RSU1: variants seen among roughly 807,000 people sequenced by gnomAD.
RSU1 encodes the protein rsu-1.
In RSU1, 26 loss-of-function variants were observed where a neutral mutation model predicts 31.1. The observed-to-expected ratio is 0.84, with a 90% CI of 0.61 to 1.16. The LOEUF (loss-of-function observed/expected upper bound fraction) is 1.16, where lower values mean the gene tolerates loss of function less well. Ranked by LOEUF, RSU1 falls within the 50% of genes most tolerant of loss-of-function variation. The probability of loss-of-function intolerance (pLI) is 0.00; values close to 1 mark genes in which losing one functional copy is unlikely to be tolerated. For missense variants in RSU1, 320 were observed against 339.1 expected (o/e 0.94, Z 0.44); for synonymous variants, 164 against 136.3 (o/e 1.20, Z -1.41).
chr10:16,816,557 A>G (rs17139260), intron 2 of RSU1, among the ~76,000 whole-genome samples: 2,920 of 152,356 alleles, frequency 0.019, 107 homozygotes, highest in African/African-American at 0.066. Context: ...AGAAATGCTT[A>G]AAACGCTCCA....
chr10:16,768,129 T>C (rs544413001), intron 3 of RSU1, among the ~76,000 whole-genome samples: 1 of 152,370 alleles, frequency 6.6e-6, no homozygotes, highest in African/African-American at 2.4e-5. Context: ...TTCTGATCTA[T>C]GACCCCAGCT....
chr10:16,780,837 G>T (rs956450331), intron 3 of RSU1, among the ~76,000 whole-genome samples: 1 of 152,276 alleles, frequency 6.6e-6, no homozygotes. Flanking sequence ...GACCACACAT[G>T]ACTTGTAGGT....
At chr10:16,616,782 T>C (rs527400332) in intron 8 of RSU1, among the ~76,000 whole-genome samples, 1 of 152,228 alleles carries the variant, frequency 6.6e-6, no homozygotes, top group Non-Finnish European at 1.5e-5. Flanking sequence ...ATTATCTCCA[T>C]AGATGCAGAA....
intron 2 of RSU1, among the ~76,000 whole-genome samples, chr10:16,785,526 A>ATACACATAT (rs1240281059): frequency 1.1e-4 from 15 of 141,802 alleles, no homozygotes; most frequent in East Asian, 4.0e-4. Flanking sequence ...ATATATATAT[A>ATACACATAT]ATATTAGTTC....
Position 16,590,612 on chromosome 10 carries a change from T to C in RSU1, c.*2782A>G, listed in dbSNP as rs899837925. 1.3e-5 allele frequency: 2 copies of C among 152,206 alleles called. No homozygotes were observed. The highest frequency in any genetic ancestry group is 2.9e-5 in the Non-Finnish European group (2 of 68,036). The allele number at this position is 152,206 out of a possible 1,614,324, so 9.4% of individuals were successfully genotyped here. A position where few individuals can be genotyped will look rare whatever the true frequency, so the allele number is the denominator to read the frequency against. On this transcript the variant is annotated 3_prime_UTR_variant, in exon 9 of 9. Transcript: ENST00000345264. Reference sequence around the variant, plus strand: ...GCATAATATACCATGACATACCAATTTGATTTTGAAAAATACATGCATTTA... The same window carrying C: ...GCATAATATACCATGACATACCAATCTGATTTTGAAAAATACATGCATTTA...
intron 4 of RSU1, among the ~76,000 whole-genome samples, chr10:16,762,463 T>G (rs1306767372): frequency 6.6e-6 from 1 of 151,912 alleles, no homozygotes; most frequent in African/African-American, 2.4e-5. Context: ...ATGGAGCATC[T>G]TTTCATTTCT....
intron 8 of RSU1, among the ~76,000 whole-genome samples, chr10:16,686,889 C>T (rs1176476935): frequency 6.6e-6 from 1 of 152,100 alleles, no homozygotes; most frequent in Non-Finnish European, 1.5e-5. Context: ...AATAGTTATC[C>T]ACAACTCTTC....
chr10:16,666,952 C>T lies in RSU1; in HGVS notation c.731+28071G>A, dbSNP rs538634795. ...CGAAGGTTGCAGTGAGTTGAGATTACGCTACTGCTGCACTCCAGCCTGGGC... is the reference window on the plus strand; with the variant it reads ...CGAAGGTTGCAGTGAGTTGAGATTATGCTACTGCTGCACTCCAGCCTGGGC... On this transcript the variant is annotated intron_variant, in intron 8 of 8. Transcript: ENST00000345264. 1.5e-4 allele frequency among the ~76,000 whole-genome samples: 23 copies of T among 151,984 alleles called. No individual in the cohort carries two copies. In the South Asian group the frequency reaches 4.2e-3, roughly 27 times the overall value.
chr10:16,718,096 T>TAA (rs1564330385), intron 7 of RSU1, among the ~76,000 whole-genome samples: 25 of 51,606 alleles, frequency 4.8e-4, no homozygotes, highest in African/African-American at 2.2e-3. Flanking sequence ...CTCAATTTAT[T>TAA]TAAAAAAAAA....
chr10:16,713,130 G>A (rs1360247767), intron 7 of RSU1, among the ~76,000 whole-genome samples: 1 of 152,096 alleles, frequency 6.6e-6, no homozygotes, highest in Non-Finnish European at 1.5e-5. Flanking sequence ...GTTTTCTTGT[G>A]GCTTTTAAAA....
chr10:16,744,914 C>A (rs1196759704), intron 7 of RSU1, among the ~76,000 whole-genome samples: 7 of 152,188 alleles, frequency 4.6e-5, no homozygotes, highest in African/African-American at 1.4e-4. Flanking sequence ...TCTGACCCTT[C>A]CTATGTGCCT....
At position 16,683,938 on chromosome 10, in the gene RSU1, G is replaced by A. The variant is rs114865293; in HGVS notation, c.731+11085C>T. Among the ~76,000 whole-genome samples the A allele has an allele frequency of 6.7e-3, 1,022 of 152,322 alleles. 14 individuals carry two copies. Among genetic ancestry groups the A allele is most frequent in the African/African-American group, 0.023 (954 of 41,558 alleles). On this transcript the variant is annotated intron_variant, in intron 8 of 8. Coordinates refer to ENST00000345264, the MANE Select transcript of RSU1 (RefSeq NM_012425.4). Reference sequence around the variant, plus strand: ...TTCTGGTTGACAATTGGTTGAGTTTGTCTAAGACCTGGGATTAATAGAAAG... The same window carrying A: ...TTCTGGTTGACAATTGGTTGAGTTTATCTAAGACCTGGGATTAATAGAAAG...
At chr10:16,641,623 C>T (rs1368470943) in intron 8 of RSU1, among the ~76,000 whole-genome samples, 1 of 152,156 alleles carries the variant, frequency 6.6e-6, no homozygotes, top group Non-Finnish European at 1.5e-5. Flanking sequence ...CATTAATGAA[C>T]CTGGCTCTCT....
At chr10:16,727,222 C>T (rs148834739) in intron 7 of RSU1, 217 of 438,104 alleles carry the variant, frequency 5.0e-4, no homozygotes, top group South Asian at 2.9e-3. Context: ...GACGATGTTC[C>T]GCCTGGCTGC....
chr10:16,797,367 A>G (rs979025292), intron 2 of RSU1, among the ~76,000 whole-genome samples: 1 of 152,224 alleles, frequency 6.6e-6, no homozygotes, highest in African/African-American at 2.4e-5. Flanking sequence ...AAAGCAAGCC[A>G]CTGTATTTCT....
chr10:16,813,103 C>T (rs1230545962), intron 2 of RSU1, among the ~76,000 whole-genome samples: 1 of 151,920 alleles, frequency 6.6e-6, no homozygotes, highest in Non-Finnish European at 1.5e-5. Flanking sequence ...TCCCTGAAAG[C>T]TGGGACTTGC....
At chr10:16,624,278 G>A (rs1310645714) in intron 8 of RSU1, among the ~76,000 whole-genome samples, 1 of 152,104 alleles carries the variant, frequency 6.6e-6, no homozygotes, top group Non-Finnish European at 1.5e-5. Flanking sequence ...GACCGACTGA[G>A]AGCTGAAGGG....
intron 7 of RSU1, among the ~76,000 whole-genome samples, chr10:16,699,801 T>C (rs1299571491): frequency 1.3e-5 from 2 of 152,218 alleles, no homozygotes; most frequent in African/African-American, 4.8e-5. Flanking sequence ...GGCAGCGCCG[T>C]GATTAGCAGT....
chr10:16,674,743 C>G (rs12571438), intron 8 of RSU1, among the ~76,000 whole-genome samples: 1 of 151,892 alleles, frequency 6.6e-6, no homozygotes, highest in Non-Finnish European at 1.5e-5. Flanking sequence ...CATTTAGAAA[C>G]TGAATATAAG....
Sources: allele counts gnomAD v4.1 joint callset (sites outside exome capture counted in the v4.1 genomes callset), GRCh38; gene constraint gnomAD v4.1.1; transcripts MANE v1.5; gene names NCBI Gene and HGNC (gene_info 2026-07-23, HGNC 2026-07-21).